The following LRRC28 variants were observed in gnomAD, a reference collection of about 807,000 sequenced individuals.
LRRC28 encodes leucine rich repeat containing 28.
A neutral mutation model predicts 45.7 loss-of-function variants in LRRC28; 39 were observed. The observed-to-expected ratio is 0.85, with a 90% confidence interval of 0.66 to 1.12. LRRC28 has a LOEUF of 1.12. Among genes scored for constraint, LRRC28 ranks in the 50% most tolerant of loss-of-function variants. The pLI, the probability that LRRC28 is intolerant of heterozygous loss-of-function variation, is 0.00. For missense variants in LRRC28, 435 were observed against 438.5 expected (o/e 0.99, Z 0.07); for synonymous variants, 206 against 178.8 (o/e 1.15, Z -1.22).
rs1955195056 is a variant in LRRC28 at position 99,306,707 on chromosome 15, G to GAAGCCTAC, written c.385+18756_385+18757insAAGCCTAC. Among the ~76,000 whole-genome samples, 16 of 152,340 alleles carry GAAGCCTAC rather than the reference G, an allele frequency of 1.1e-4. No individual in the cohort carries two copies. In the South Asian group the frequency reaches 3.3e-3, roughly 32 times the overall value. ...TCTGGCAGGTTTTAAAAGAAGCCTAGTTTTATACCTTGGCTCTGGCACCAG... is the reference window on the plus strand; with the variant it reads ...TCTGGCAGGTTTTAAAAGAAGCCTAGAAGCCTACTTTTATACCTTGGCTCTGGCACCAG... On this transcript the variant is annotated intron_variant, in intron 5 of 9. Coordinates refer to ENST00000301981, the MANE Select transcript of LRRC28 (RefSeq NM_144598.5).
intron 6 of LRRC28, among the ~76,000 whole-genome samples, chr15:99,334,537 A>G (rs1456241298): frequency 6.6e-6 from 1 of 152,090 alleles, no homozygotes; most frequent in Non-Finnish European, 1.5e-5. Context: ...TGGGTATCCT[A>G]ATAATTAATA....
At chr15:99,373,286 T>C (rs1957535732) in intron 9 of LRRC28, among the ~76,000 whole-genome samples, 1 of 152,348 alleles carries the variant, frequency 6.6e-6, no homozygotes, top group Non-Finnish European at 1.5e-5. Context: ...TCTTTTCAAT[T>C]GTGATTTATT....
Position 99,294,339 on chromosome 15 carries a change from C to CT in LRRC28, c.385+6397dup, listed in dbSNP as rs199529606. On this transcript the variant is annotated intron_variant, in intron 5 of 9. Transcript: ENST00000301981. ...CAGGTCAGTGAACTTTGTTCTTCTT[C>CT]TTTTTTTTTAATGTAATGTTTTTCT... 6.2e-3 allele frequency among the ~76,000 whole-genome samples: 932 copies of CT among 150,812 alleles called. 5 individuals carry two copies. Among genetic ancestry groups the CT allele is most frequent in the East Asian group, 0.04 (206 of 5,124 alleles).
intron 5 of LRRC28, among the ~76,000 whole-genome samples, chr15:99,311,899 G>T (rs1028065154): frequency 6.6e-6 from 1 of 152,016 alleles, no homozygotes; most frequent in Non-Finnish European, 1.5e-5. Flanking sequence ...AGCCATAGTC[G>T]TAACAGTGAG....
In LRRC28 at chr15:99,363,243, C is replaced by T. The variant is rs1238467714; in HGVS notation, c.1009C>T (p.Pro337Ser). 6.2e-7 allele frequency: 1 copy of T among 1,613,886 alleles called. No individual in the cohort carries two copies. Among genetic ancestry groups the T allele is most frequent in the Non-Finnish European group, 8.5e-7 (1 of 1,179,912 alleles). The change falls in exon 9 of 10, where the codon CCA (proline) becomes TCA (serine). Residue 337 changes from proline (P) to serine (S), a missense_variant. By Grantham distance (74) the Pro-to-Ser change is moderately conservative (BLOSUM62 -1). Transcript: ENST00000301981. The stretch of plus-strand genomic sequence containing the variant: ...CAAGCTCTTTCCCTTGAGAGAGACG[C>T]CAATGGCAGGGCTGCACCAGTGGTA... ...YPKLFPLRETPMAGLHQWKTT... is the reference protein window; with the variant it reads ...YPKLFPLRETSMAGLHQWKTT...
chr15:99,318,043 C>G (rs563427003), intron 5 of LRRC28, among the ~76,000 whole-genome samples: 3 of 152,228 alleles, frequency 2.0e-5, no homozygotes, highest in African/African-American at 7.2e-5. Context: ...TGGGAATAAA[C>G]AGAAATCTGA....
chr15:99,270,016 C>G (rs967848852), intron 2 of LRRC28, among the ~76,000 whole-genome samples: 7 of 152,064 alleles, frequency 4.6e-5, no homozygotes, highest in Non-Finnish European at 8.8e-5. Context: ...AAATATTGCT[C>G]TATGACATAT....
At chr15:99,330,822 G>GA (rs1223013667) in intron 5 of LRRC28, among the ~76,000 whole-genome samples, 1 of 151,708 alleles carries the variant, frequency 6.6e-6, no homozygotes, top group African/African-American at 2.4e-5. Context: ...CTTTTTTCAT[G>GA]TTAGATAAAT....
chr15:99,287,734 T>C, intron 4 of LRRC28, 80 bp from the exon 5 acceptor site: 1 of 1,444,190 alleles, frequency 6.9e-7, no homozygotes, highest in Non-Finnish European at 9.3e-7. Flanking sequence ...GTAAAATATT[T>C]TAACTTGGAA....
At chr15:99,281,772 A>G (rs1160932972) in intron 3 of LRRC28, among the ~76,000 whole-genome samples, 1 of 151,958 alleles carries the variant, frequency 6.6e-6, no homozygotes, top group African/African-American at 2.4e-5. Context: ...CTTTGTTAGG[A>G]TAGGTGGTTA....
chr15:99,263,716 G>A (rs1030005941), intron 2 of LRRC28, among the ~76,000 whole-genome samples: 5 of 152,146 alleles, frequency 3.3e-5, no homozygotes, highest in Non-Finnish European at 7.4e-5. Flanking sequence ...TTAAAAATAA[G>A]ATCCTATTTG....
At chr15:99,314,586 G>A (rs777078110) in intron 5 of LRRC28, among the ~76,000 whole-genome samples, 37 of 152,054 alleles carry the variant, frequency 2.4e-4, no homozygotes, top group Non-Finnish European at 4.4e-4. Flanking sequence ...AAGTTACTGG[G>A]TAAGTTCCTG....
intron 9 of LRRC28, among the ~76,000 whole-genome samples, chr15:99,384,950 T>C (rs1597484003): frequency 6.6e-6 from 1 of 152,290 alleles, no homozygotes; most frequent in Non-Finnish European, 1.5e-5. Flanking sequence ...GACAATTGGC[T>C]GAAGTTTGGG....
At chr15:99,338,052 A>T (rs1290616939) in intron 6 of LRRC28, 2 of 152,190 alleles carry the variant, frequency 1.3e-5, no homozygotes, top group Admixed American at 6.5e-5. Flanking sequence ...TCTTTGTAAG[A>T]AATGGAGGAG....
chr15:99,330,291 A>G (rs1956119625), intron 5 of LRRC28, among the ~76,000 whole-genome samples: 1 of 152,042 alleles, frequency 6.6e-6, no homozygotes, highest in Admixed American at 6.6e-5. Flanking sequence ...CTATATTCTT[A>G]GTGGTTTTCT....
chr15:99,352,837 A>G (rs1167399848), intron 7 of LRRC28, among the ~76,000 whole-genome samples: 1 of 152,248 alleles, frequency 6.6e-6, no homozygotes, highest in Non-Finnish European at 1.5e-5. Flanking sequence ...TGCTAGTCAC[A>G]GAAAGTAGAG....
chr15:99,298,416 C>G (rs1217259079), intron 5 of LRRC28, among the ~76,000 whole-genome samples: 1 of 152,158 alleles, frequency 6.6e-6, no homozygotes, highest in Non-Finnish European at 1.5e-5. Context: ...CTATTTATCT[C>G]TGAAAGGTAT....
chr15:99,271,590 A>C (rs897341410), intron 2 of LRRC28, among the ~76,000 whole-genome samples: 2 of 150,914 alleles, frequency 1.3e-5, no homozygotes, highest in East Asian at 2.0e-4. Context: ...TTTTTCTTTT[A>C]TTTATTTATT....
intron 5 of LRRC28, among the ~76,000 whole-genome samples, chr15:99,293,739 G>T (rs1406217181): frequency 1.3e-5 from 2 of 150,338 alleles, no homozygotes; most frequent in Admixed American, 6.6e-5. Context: ...TCAATCTCCT[G>T]GCCTCCTAAA....
Sources: allele counts gnomAD v4.1 joint callset (sites outside exome capture counted in the v4.1 genomes callset), GRCh38; gene constraint gnomAD v4.1.1; transcripts MANE v1.5; gene names NCBI Gene and HGNC (gene_info 2026-07-23, HGNC 2026-07-21).